The following SLC38A6 variants were observed in gnomAD, a reference collection of about 807,000 sequenced individuals.
SLC38A6 encodes solute carrier family 38 member 6.
Under a neutral mutation model 65.0 loss-of-function variants are expected in SLC38A6, and 73 were observed. The ratio of observed to expected loss-of-function variants is 1.12; its 90% CI spans 0.93 to 1.37. SLC38A6 has a LOEUF of 1.37. Among genes scored for constraint, SLC38A6 ranks in the 40% most tolerant of loss-of-function variants. The pLI is 0.00. For missense variants in SLC38A6, 561 were observed against 531.1 expected (o/e 1.06, Z -0.55); for synonymous variants, 183 against 178.8 (o/e 1.02, Z -0.19).
At chr14:61,066,710 T>A (rs2043029291) in intron 15 of SLC38A6, among the ~76,000 whole-genome samples, 1 of 152,194 alleles carries the variant, frequency 6.6e-6, no homozygotes, top group East Asian at 1.9e-4. Context: ...ATACAAAATA[T>A]CAACCCTGTG....
At position 60,981,267 on chromosome 14, in the gene SLC38A6, TG is replaced by T; in HGVS notation, c.-9del. On this transcript the variant is annotated 5_prime_UTR_variant, in exon 1 of 16. It introduces an in-frame stop codon into an upstream open reading frame of the 5' UTR. Coordinates refer to ENST00000267488, the MANE Select transcript of SLC38A6 (RefSeq NM_153811.3). ...CTCGTAGATGGAACTGGTAGTCAGC[TG>T]GAGAGCAGCATGGAGGCGTCCTGGG... 6.3e-7 allele frequency: 1 copy of T among 1,593,158 alleles called. No homozygotes were observed. The highest frequency in any genetic ancestry group is 8.5e-7 in the Non-Finnish European group (1 of 1,169,910).
downstream of SLC38A6, among the ~76,000 whole-genome samples, chr14:61,054,284 G>A (rs1219271402): frequency 6.6e-6 from 1 of 152,160 alleles, no homozygotes; most frequent in Non-Finnish European, 1.5e-5. Flanking sequence ...TAGTCCTGTA[G>A]TATAGTTTGA....
chr14:61,063,984 G>A (rs2042943194), intron 15 of SLC38A6, among the ~76,000 whole-genome samples: 1 of 152,214 alleles, frequency 6.6e-6, no homozygotes, highest in Admixed American at 6.5e-5. Context: ...AATGAAATGA[G>A]TTTGCTTTCC....
At chr14:61,024,208 G>T (rs2040493141) in intron 5 of SLC38A6, among the ~76,000 whole-genome samples, 1 of 152,122 alleles carries the variant, frequency 6.6e-6, no homozygotes, top group Non-Finnish European at 1.5e-5. Flanking sequence ...TCTACTGTCT[G>T]TAAATCTCTA....
intron 1 of SLC38A6, chr14:60,982,172 G>T (rs755113268): frequency 6.4e-6 from 3 of 466,088 alleles, no homozygotes; most frequent in South Asian, 1.5e-5. Context: ...GTAATCACAT[G>T]AGCTGAGGCC....
At chr14:61,012,789 G>A (rs1186403444) in intron 3 of SLC38A6, among the ~76,000 whole-genome samples, 2 of 152,196 alleles carry the variant, frequency 1.3e-5, no homozygotes, top group Admixed American at 1.3e-4. Context: ...TTGCTGAAGA[G>A]TGCTTTACTT....
At chr14:61,012,767 G>C (rs539421865) in intron 3 of SLC38A6, among the ~76,000 whole-genome samples, 3 of 152,228 alleles carry the variant, frequency 2.0e-5, no homozygotes, top group African/African-American at 7.2e-5. Flanking sequence ...TATCATTTCT[G>C]CTCTTTTACA....
intron 3 of SLC38A6, among the ~76,000 whole-genome samples, chr14:61,004,030 G>C (rs2038899910): frequency 1.3e-5 from 2 of 152,208 alleles, no homozygotes; most frequent in Non-Finnish European, 2.9e-5. Context: ...TTACTAAAAT[G>C]TATCCCATTA....
chr14:60,984,700 G>A (rs750671410), intron 2 of SLC38A6, 30 bp from the exon 3 acceptor site: 2 of 1,611,260 alleles, frequency 1.2e-6, no homozygotes, highest in East Asian at 2.2e-5. Context: ...CTTTTGGGAG[G>A]TTTTGACCAG....
chr14:60,992,605 G>A (rs2037981135), intron 3 of SLC38A6, among the ~76,000 whole-genome samples: 1 of 152,072 alleles, frequency 6.6e-6, no homozygotes, highest in African/African-American at 2.4e-5. Flanking sequence ...TCTACTCAGT[G>A]AACATATATT....
At position 61,052,507 on chromosome 14, in the gene SLC38A6, A is replaced by T; in HGVS notation, c.*78A>T. ...TGAATTATTCCGGAAGACACCCTGG[A>T]TGAAAAATAACATTTTAATAAAAAT... On this transcript the variant is annotated 3_prime_UTR_variant, in exon 16 of 16. Coordinates refer to ENST00000267488, the MANE Select transcript of SLC38A6 (RefSeq NM_153811.3). The T allele has an allele frequency of 6.8e-7, 1 of 1,469,190 alleles. No individual in the cohort carries two copies. Among genetic ancestry groups the T allele is most frequent in the South Asian group, 1.5e-5 (1 of 68,238 alleles). The allele number at this position is 1,469,190 out of a possible 1,614,324, so 91.0% of individuals were successfully genotyped here.
chr14:61,037,077 A>T lies in SLC38A6; in HGVS notation c.501A>T (p.Gly167=), dbSNP rs1426738646. 1 of 1,612,146 alleles carries T rather than the reference A, an allele frequency of 6.2e-7. No homozygotes were observed. The highest frequency in any genetic ancestry group is 8.5e-7 in the Non-Finnish European group (1 of 1,179,246). The part of the protein sequence containing the change: ...GDYSRYWYLD[G]QTLLIIICVG... Reference sequence around the variant, plus strand: ...ATAATAGATATTGGTATCTTGATGGACAAACACTACTAATAATCATATGTG... The same window carrying T: ...ATAATAGATATTGGTATCTTGATGGTCAAACACTACTAATAATCATATGTG... Residue 167 remains glycine, a synonymous_variant, in exon 7 of 16, where the codon GGA becomes GGT. Coordinates refer to ENST00000267488, the MANE Select transcript of SLC38A6 (RefSeq NM_153811.3).
intron 11 of SLC38A6, 117 bp from the exon 12 acceptor site, chr14:61,045,950 T>C (rs1022312786): frequency 1.0e-5 from 6 of 600,602 alleles, no homozygotes; most frequent in Middle Eastern, 2.7e-4. Flanking sequence ...TTCTAGTGTA[T>C]AGTTATTGAT....
At chr14:61,034,775 A>G (rs2041239258) in intron 6 of SLC38A6, among the ~76,000 whole-genome samples, 1 of 152,162 alleles carries the variant, frequency 6.6e-6, no homozygotes, top group African/African-American at 2.4e-5. Flanking sequence ...GGAGAGAGCA[A>G]AGCTTCAGGT....
At position 61,078,824 on chromosome 14, in the gene SLC38A6, G is replaced by T. The variant is rs143760849; in HGVS notation, c.1305G>T (p.Ser435=). Residue 435 remains serine, a synonymous_variant, in exon 16 of 17, where the codon TCG becomes TCT. Transcript: ENST00000354886. ...TTTTGAGACAGGGTCTCATTCTGTCGCACAGGTTGGCGTGCAGTGGTGTGA... is the reference window on the plus strand; with the variant it reads ...TTTTGAGACAGGGTCTCATTCTGTCTCACAGGTTGGCGTGCAGTGGTGTGA... 1.2e-3 allele frequency: 243 copies of T among 206,044 alleles called. 3 individuals are homozygous for T. In the South Asian group the frequency reaches 0.018, roughly 15 times the overall value. The allele number at this position is 206,044 out of a possible 1,614,324, so 12.8% of individuals were successfully genotyped here.
At chr14:61,019,139 C>T (rs1327399241) in intron 4 of SLC38A6, among the ~76,000 whole-genome samples, 1 of 152,106 alleles carries the variant, frequency 6.6e-6, no homozygotes, top group Non-Finnish European at 1.5e-5. Context: ...TCCTTTTAGG[C>T]AATATAGCAT....
chr14:61,011,363 A>T (rs1024619012), intron 3 of SLC38A6, among the ~76,000 whole-genome samples: 1 of 151,862 alleles, frequency 6.6e-6, no homozygotes, highest in African/African-American at 2.4e-5. Context: ...CTAATTGAAT[A>T]CCCTTTATTT....
downstream of SLC38A6, among the ~76,000 whole-genome samples, chr14:61,054,894 A>G (rs189413176): frequency 1.3e-3 from 202 of 152,148 alleles, 2 homozygotes; most frequent in Non-Finnish European, 2.3e-3. Flanking sequence ...TTCCAATACT[A>G]TGTTGAATAG....
At chr14:61,070,831 T>C (rs1044768546) in intron 15 of SLC38A6, among the ~76,000 whole-genome samples, 1 of 152,208 alleles carries the variant, frequency 6.6e-6, no homozygotes, top group African/African-American at 2.4e-5. Flanking sequence ...CTTCATATAA[T>C]GTCTGGTCGT....
Sources: allele counts gnomAD v4.1 joint callset (sites outside exome capture counted in the v4.1 genomes callset), GRCh38; gene constraint gnomAD v4.1.1; transcripts MANE v1.5; gene names NCBI Gene and HGNC (gene_info 2026-07-23, HGNC 2026-07-21).